Variants in ANO1 observed in about 807,000 individuals in gnomAD.
The protein encoded by ANO1 is anoctamin 1, also known as anoctamin-1.
A neutral mutation model predicts 124.0 loss-of-function variants in ANO1; 59 were observed. That is an observed-to-expected ratio of 0.48 (90% confidence interval 0.39 to 0.59). The LOEUF is 0.59. Ranked by LOEUF, ANO1 falls within the 20% of genes least tolerant of loss-of-function variation. ANO1 has a pLI of 0.00. For synonymous variants in ANO1, 529 were observed against 532.0 expected (o/e 0.99, Z 0.08); for missense variants, 1,059 against 1,328.0 (o/e 0.80, Z 3.15).
intron 1 of ANO1, among the ~76,000 whole-genome samples, chr11:70,021,813 G>A (rs1223434466): frequency 6.6e-6 from 1 of 152,158 alleles, no homozygotes; most frequent in Non-Finnish European, 1.5e-5. Flanking sequence ...CCTGCCAGGA[G>A]CCCCTTCACA....
intron 1 of ANO1, among the ~76,000 whole-genome samples, chr11:70,067,478 C>T (rs1442239002): frequency 1.3e-5 from 2 of 152,144 alleles, no homozygotes; most frequent in Non-Finnish European, 2.9e-5. Context: ...CAGGCGCCTG[C>T]CATCATGCCT....
intron 1 of ANO1, 72 bp downstream of exon 1, chr11:70,078,786 G>T: frequency 9.6e-7 from 1 of 1,038,352 alleles, no homozygotes; most frequent in Non-Finnish European, 1.2e-6. Flanking sequence ...GGAACCGGGC[G>T]GCGGCAGGGC....
intron 4 of ANO1, 91 bp from the exon 5 acceptor site, chr11:70,105,643 T>TG: frequency 8.3e-7 from 1 of 1,209,034 alleles, no homozygotes; most frequent in South Asian, 1.2e-5. Flanking sequence ...TCACGGCTAA[T>TG]GGGGACAGTG....
intron 25 of ANO1, among the ~76,000 whole-genome samples, chr11:70,186,313 GAGA>G (rs67401115): frequency 0.093 from 13,737 of 146,958 alleles, 708 homozygotes; most frequent in Middle Eastern, 0.2. Context: ...AGAAAAGAAG[GAGA>G]AGGAGAGGAG....
intron 6 of ANO1, among the ~76,000 whole-genome samples, chr11:70,110,368 A>G (rs2045724597): frequency 6.6e-6 from 1 of 151,828 alleles, no homozygotes; most frequent in Non-Finnish European, 1.5e-5. Context: ...TTGTATTTTT[A>G]GTAGAGACGG....
At chr11:70,002,603 C>T (rs1158407501) in intron 1 of ANO1, among the ~76,000 whole-genome samples, 4 of 152,154 alleles carry the variant, frequency 2.6e-5, no homozygotes, top group Non-Finnish European at 4.4e-5. Context: ...TACGTCATCT[C>T]AGTTTGTGTA....
chr11:70,003,838 A>C (rs1274152273), intron 1 of ANO1, among the ~76,000 whole-genome samples: 1 of 152,200 alleles, frequency 6.6e-6, no homozygotes, highest in Admixed American at 6.5e-5. Flanking sequence ...GACCCTAAGT[A>C]GGGACTGGAT....
At chr11:70,021,344 G>A (rs1856804221) in intron 1 of ANO1, among the ~76,000 whole-genome samples, 2 of 152,210 alleles carry the variant, frequency 1.3e-5, no homozygotes, top group Admixed American at 1.3e-4. Flanking sequence ...CCTCGTGCAT[G>A]CGAGGGAGCG....
chr11:70,179,646 G>A (rs958772622), intron 22 of ANO1, among the ~76,000 whole-genome samples: 7 of 152,180 alleles, frequency 4.6e-5, no homozygotes, highest in African/African-American at 1.7e-4. Context: ...AGAGCTTTAG[G>A]AGCTGCACCC....
the ANO1 span, among the ~76,000 whole-genome samples, chr11:69,967,888 C>T: frequency 6.6e-6 from 1 of 152,210 alleles, no homozygotes. Context: ...TCACTCCCCT[C>T]TCTGGGCCTG....
chr11:70,145,692 T>G (rs2047343908), intron 11 of ANO1, among the ~76,000 whole-genome samples: 1 of 152,012 alleles, frequency 6.6e-6, no homozygotes, highest in Admixed American at 6.5e-5. Flanking sequence ...ATCCCAGCAC[T>G]TTGGGAGGCT....
intron 2 of ANO1, among the ~76,000 whole-genome samples, chr11:70,100,142 C>T (rs897469090): frequency 7.9e-5 from 12 of 152,170 alleles, no homozygotes; most frequent in Admixed American, 7.2e-4. Context: ...GGCCCCCGCT[C>T]CTGGGTCCGT....
At chr11:70,001,172 C>T (rs1856376111) in intron 1 of ANO1, among the ~76,000 whole-genome samples, 2 of 152,204 alleles carry the variant, frequency 1.3e-5, no homozygotes, top group Admixed American at 6.5e-5. Context: ...CCAGAGGCCA[C>T]CTGCTCCTCA....
At chr11:70,186,056 C>G (rs2049105906) in intron 25 of ANO1, among the ~76,000 whole-genome samples, 1 of 152,102 alleles carries the variant, frequency 6.6e-6, no homozygotes, top group Non-Finnish European at 1.5e-5. Context: ...GAGACCGAGG[C>G]AGGTGGATCA....
At position 70,132,052 on chromosome 11, in the gene ANO1, T is replaced by G; in HGVS notation, c.1231T>G (p.Phe411Val). The G allele has an allele frequency of 1.2e-6, 2 of 1,600,470 alleles. No homozygotes were observed. The highest frequency in any genetic ancestry group is 1.7e-6 in the Non-Finnish European group (2 of 1,176,488). The change falls in exon 11 of 26, where the codon TTC (phenylalanine) becomes GTC (valine). Residue 411 changes from phenylalanine to valine, a missense_variant. By Grantham distance (50) the Phe-to-Val change is conservative (BLOSUM62 -1). This residue lies in a region of ANO1 where 809 missense variants were observed against 1,094.9 expected (regional missense o/e 0.74). Coordinates refer to ENST00000355303, the MANE Select transcript of ANO1 (RefSeq NM_018043.7). ...CCTCTTCGACAACCCCGCCACGGTC[T>G]TCTTCTCTGTCTTCATGGCCCTCTG... ...SHLFDNPATV[F>V]FSVFMALWAA... is the part of the protein sequence containing the mutation.
chr11:70,000,680 C>T lies in ANO1; in HGVS notation c.58+14514C>T, dbSNP rs1218025323. 2.0e-5 allele frequency among the ~76,000 whole-genome samples: 3 copies of T among 151,584 alleles called. No homozygotes were observed. The East Asian group carries it at 5.9e-4, about 30-fold the overall frequency. The stretch of plus-strand genomic sequence containing the variant: ...AGCAGTTACTCAACAGAAATGCACA[C>T]ACATCCAAAGCCATGAGTGAAAGTG... On this transcript the variant is annotated intron_variant, in intron 1 of 27. Coordinates refer to the ANO1 transcript ENST00000531349.
chr11:69,989,136 T>C (rs1406320628), intron 1 of ANO1, among the ~76,000 whole-genome samples: 2 of 150,440 alleles, frequency 1.3e-5, no homozygotes, highest in Non-Finnish European at 3.0e-5. Flanking sequence ...ATGAGGTGGG[T>C]CCCATTGTTT....
chr11:70,108,517 G>A, intron 6 of ANO1, 113 bp downstream of exon 6: 2 of 1,214,114 alleles, frequency 1.6e-6, no homozygotes, highest in Non-Finnish European at 2.4e-6. Context: ...AGAGGGTTTT[G>A]ATTTAAGCCT....
chr11:70,108,558 TG>T (rs1321335998), intron 6 of ANO1, among the ~76,000 whole-genome samples, 154 bp downstream of exon 6: 1 of 152,114 alleles, frequency 6.6e-6, no homozygotes, highest in Non-Finnish European at 1.5e-5. Flanking sequence ...AGGGCTGGGT[TG>T]GGAGCGTGCA....
Sources: gnomAD v4.1 joint callset for allele counts (sites outside exome capture counted in the v4.1 genomes callset) on GRCh38, gnomAD v4.1.1 for gene constraint, gnomAD v4.1.1 regional missense constraint, MANE v1.5 for transcripts, NCBI Gene and HGNC (gene_info 2026-07-23, HGNC 2026-07-21) for gene names.